The following HPSE2 variants were observed in gnomAD, a reference collection of about 807,000 sequenced individuals.
HPSE2 encodes heparanase 2 (inactive), also known as inactive heparanase-2.
A neutral mutation model predicts 60.5 loss-of-function variants in HPSE2; 38 were observed. The ratio of observed to expected loss-of-function variants is 0.63; its 90% CI spans 0.48 to 0.82. The LOEUF (loss-of-function observed/expected upper bound fraction) is 0.82. Ranked by LOEUF, HPSE2 falls within the 40% of genes least tolerant of loss-of-function variation. The pLI is 0.00. For missense variants in HPSE2, 713 were observed against 740.4 expected (o/e 0.96, Z 0.43); for synonymous variants, 295 against 293.2 (o/e 1.01, Z -0.06).
intron 3 of HPSE2, among the ~76,000 whole-genome samples, chr10:98,878,385 T>TGTTC (rs2134867652): frequency 6.6e-6 from 1 of 152,140 alleles, no homozygotes; most frequent in African/African-American, 2.4e-5. Context: ...GTGCATTGAT[T>TGTTC]GTTCTAAGTG....
intron 3 of HPSE2, among the ~76,000 whole-genome samples, chr10:99,070,938 A>T (rs75856425): frequency 0.027 from 4,171 of 152,298 alleles, 192 homozygotes; most frequent in African/African-American, 0.095. Flanking sequence ...GTGTTTCCAC[A>T]TCTGTTGTTG....
At chr10:98,735,969 T>C (rs536743475) in intron 4 of HPSE2, among the ~76,000 whole-genome samples, 53 of 152,188 alleles carry the variant, frequency 3.5e-4, no homozygotes, top group African/African-American at 1.1e-3. Context: ...AAGGCATGAT[T>C]GGTTTTTAAA....
chr10:99,288,748 CAAA>C, the HPSE2 span, among the ~76,000 whole-genome samples: 4 of 75,798 alleles, frequency 5.3e-5, no homozygotes, highest in Non-Finnish European at 6.7e-5. Flanking sequence ...CAGCCTCAAG[CAAA>C]AAAAAAAAAA....
In HPSE2 at chr10:98,495,953, T is replaced by C. The variant is rs939842446; in HGVS notation, c.1321-5757A>G. ...ATTTGTATGCTTTGTAATTTTGTTG[T>C]TGTTGTTGGAAACTGGACATTTGAA... On this transcript the variant is annotated intron_variant, in intron 9 of 11. Transcript: ENST00000370552. 2.0e-5 allele frequency among the ~76,000 whole-genome samples: 3 copies of C among 152,232 alleles called. No individual in the cohort carries two copies. In the East Asian group the frequency reaches 5.8e-4, roughly 29 times the overall value.
chr10:98,749,945 T>TACACAC (rs1554984638), intron 3 of HPSE2, among the ~76,000 whole-genome samples: 6 of 66,236 alleles, frequency 9.1e-5, no homozygotes, highest in Non-Finnish European at 2.1e-4. Flanking sequence ...TATATATATA[T>TACACAC]ATACACACAC....
the HPSE2 span, among the ~76,000 whole-genome samples, chr10:99,297,628 T>C: frequency 2.6e-4 from 40 of 152,286 alleles, no homozygotes; most frequent in East Asian, 5.8e-3. Flanking sequence ...TAATTGTGTG[T>C]GGGTAATTAT....
intron 3 of HPSE2, among the ~76,000 whole-genome samples, chr10:99,100,448 A>G (rs1843915006): frequency 6.6e-6 from 1 of 152,224 alleles, no homozygotes; most frequent in African/African-American, 2.4e-5. Context: ...GAGAAAAAAG[A>G]GTAAAAAGAA....
At chr10:99,028,744 G>C (rs1957433202) in intron 3 of HPSE2, among the ~76,000 whole-genome samples, 1 of 152,128 alleles carries the variant, frequency 6.6e-6, no homozygotes, top group Non-Finnish European at 1.5e-5. Context: ...ATACTACAGT[G>C]ATACAGTAAC....
intron 4 of HPSE2, among the ~76,000 whole-genome samples, chr10:98,739,695 T>C (rs1949448095): frequency 6.6e-6 from 1 of 152,154 alleles, no homozygotes; most frequent in South Asian, 2.1e-4. Flanking sequence ...GAATAACATG[T>C]GAATGTATAT....
At chr10:98,790,141 T>C (rs575790446) in intron 3 of HPSE2, among the ~76,000 whole-genome samples, 3 of 152,308 alleles carry the variant, frequency 2.0e-5, no homozygotes, top group African/African-American at 7.2e-5. Context: ...TTCAAAATAA[T>C]GAAGTGACTG....
intron 6 of HPSE2, among the ~76,000 whole-genome samples, chr10:98,689,177 T>A (rs939709430): frequency 7.2e-5 from 11 of 152,256 alleles, no homozygotes; most frequent in African/African-American, 2.2e-4. Context: ...AAAAAAAAAA[T>A]TTCTGCCACA....
At position 99,189,969 on chromosome 10, in the gene HPSE2, T is replaced by C. The variant is rs572331868; in HGVS notation, c.448+42379A>G. ...AGCAGAGACAGGGCCTCCAACCCTC[T>C]GCGAACTAGCCTAGGTGGATACCTC... On this transcript the variant is annotated intron_variant, in intron 2 of 11. Transcript: ENST00000370552. Among the ~76,000 whole-genome samples, 3 of 152,334 alleles carry C rather than the reference T, an allele frequency of 2.0e-5. No homozygotes were observed. The East Asian group carries it at 5.8e-4, about 29-fold the overall frequency.
intron 9 of HPSE2, among the ~76,000 whole-genome samples, chr10:98,524,283 T>G (rs1942890280): frequency 1.3e-5 from 2 of 152,196 alleles, no homozygotes; most frequent in African/African-American, 4.8e-5. Context: ...GCTGTCATAT[T>G]AACATATAGT....
chr10:98,778,986 A>G (rs921947998), intron 3 of HPSE2, among the ~76,000 whole-genome samples: 2 of 152,238 alleles, frequency 1.3e-5, no homozygotes, highest in Non-Finnish European at 2.9e-5. Context: ...AAAGAAATCC[A>G]AAACATGCCA....
intron 9 of HPSE2, among the ~76,000 whole-genome samples, chr10:98,581,154 C>T (rs904550376): frequency 6.6e-6 from 1 of 151,718 alleles, no homozygotes; most frequent in Non-Finnish European, 1.5e-5. Context: ...CCACCCACCT[C>T]GACTTCCCAA....
intron 9 of HPSE2, among the ~76,000 whole-genome samples, chr10:98,594,726 C>G (rs1945183275): frequency 6.6e-6 from 1 of 152,084 alleles, no homozygotes; most frequent in Non-Finnish European, 1.5e-5. Flanking sequence ...TAGATTGTTT[C>G]CATATCTTGG....
rs1940733236 is a variant in HPSE2 at position 98,470,465 on chromosome 10, C to T, written c.1614-10726G>A. Among the ~76,000 whole-genome samples, 4 of 152,220 alleles carry T rather than the reference C, an allele frequency of 2.6e-5. No homozygotes were observed. In the South Asian group the frequency reaches 8.3e-4, roughly 31 times the overall value. On this transcript the variant is annotated intron_variant, in intron 11 of 11. Coordinates refer to ENST00000370552, the MANE Select transcript of HPSE2 (RefSeq NM_021828.5). ...TGTCTGGAATGAGCCCACATCCTGC[C>T]CTGGGCTTCCTGATGCTTAGCAGCC...
At chr10:99,255,026 A>G in the HPSE2 span, among the ~76,000 whole-genome samples, 3 of 152,154 alleles carry the variant, frequency 2.0e-5, no homozygotes, top group Non-Finnish European at 4.4e-5. Context: ...ATACTACAAA[A>G]CACTGAATTT....
At chr10:99,237,262 G>GA (rs1849882386), upstream of HPSE2, among the ~76,000 whole-genome samples, 1 of 152,194 alleles carries the variant, frequency 6.6e-6, no homozygotes, top group Admixed American at 6.5e-5. Flanking sequence ...CGGGCAGTCA[G>GA]AAACGCAGAA....
Sources: gnomAD v4.1 joint callset for allele counts (sites outside exome capture counted in the v4.1 genomes callset) on GRCh38, gnomAD v4.1.1 for gene constraint, MANE v1.5 for transcripts, NCBI Gene and HGNC (gene_info 2026-07-23, HGNC 2026-07-21) for gene names.